Variants in ENOX2 observed in about 807,000 individuals in gnomAD.
ENOX2 encodes the protein APK1 antigen.
Under a neutral mutation model 45.0 loss-of-function variants are expected in ENOX2, and 36 were observed. That is an observed-to-expected ratio of 0.80 (90% CI 0.61 to 1.06). The LOEUF is 1.06. Among genes scored for constraint, ENOX2 ranks in the 50% least tolerant of loss-of-function variants. The pLI, the probability that ENOX2 is intolerant of heterozygous loss-of-function variation, is 0.00. For synonymous variants in ENOX2, 174 were observed against 152.3 expected, an observed-to-expected ratio of 1.14 and a Z score of -1.05; for missense variants, 423 against 462.5, an observed-to-expected ratio of 0.91 and a Z score of 0.78.
At chrX:130,750,786 C>G (rs1405236525) in intron 3 of ENOX2, among the ~76,000 whole-genome samples, 1 of 111,520 alleles carries the variant, frequency 9.0e-6, no homozygotes, top group Non-Finnish European at 1.9e-5. Context: ...CTGTATCTGT[C>G]TTTCTCTGCC....
At chrX:130,774,748 G>C (rs1253053356) in intron 3 of ENOX2, among the ~76,000 whole-genome samples, 2 of 111,897 alleles carry the variant, frequency 1.8e-5, no homozygotes, top group Admixed American at 1.9e-4. Flanking sequence ...CAACAATAGA[G>C]GATATGAGTT....
At chrX:130,657,551 C>T (rs1279186322) in intron 9 of ENOX2, among the ~76,000 whole-genome samples, 1 of 111,970 alleles carries the variant, frequency 8.9e-6, no homozygotes, top group Admixed American at 9.5e-5. Flanking sequence ...AAGATCTGCT[C>T]AAATGTCTGC....
intron 2 of ENOX2, among the ~76,000 whole-genome samples, chrX:130,808,853 G>A (rs1369063067): frequency 2.7e-5 from 3 of 111,911 alleles, no homozygotes; most frequent in Admixed American, 9.5e-5. Flanking sequence ...TGTTCATTTC[G>A]TATATTGTCT....
chrX:130,696,721 G>A lies in ENOX2; in HGVS notation c.97+6399C>T, dbSNP rs138065423. 2.5e-4 allele frequency among the ~76,000 whole-genome samples: 28 copies of A among 111,493 alleles called. No homozygotes were observed. In the East Asian group the frequency reaches 7.9e-3, roughly 31 times the overall value. On this transcript the variant is annotated intron_variant, in intron 4 of 14. Transcript: ENST00000394363. ...TGCTCCCCTATATATGAAACTTCCT[G>A]TGAAAAATTTCTTTCAGAACTAGAA... is the stretch of plus-strand genomic sequence containing the variant.
chrX:130,748,014 T>C (rs1186820959), intron 3 of ENOX2, among the ~76,000 whole-genome samples: 2 of 112,025 alleles, frequency 1.8e-5, no homozygotes, highest in Non-Finnish European at 3.8e-5. Flanking sequence ...TAGGCTCTTG[T>C]TTTCCCCAAA....
intron 2 of ENOX2, among the ~76,000 whole-genome samples, chrX:130,846,706 T>C (rs1372353002): frequency 8.9e-6 from 1 of 112,831 alleles, no homozygotes; most frequent in Non-Finnish European, 1.9e-5. Context: ...ATATGGAATT[T>C]ATATGTTCAG....
chrX:130,766,315 TAATAATTTTTCC>T (rs1248589253), intron 3 of ENOX2, among the ~76,000 whole-genome samples: 1 of 112,088 alleles, frequency 8.9e-6, no homozygotes, highest in Non-Finnish European at 1.9e-5. Flanking sequence ...TATGTTTTCT[TAATAATTTTTCC>T]AACTTCTTTA....
intron 4 of ENOX2, among the ~76,000 whole-genome samples, chrX:130,700,998 C>T (rs928683536): frequency 1.8e-5 from 2 of 111,996 alleles, no homozygotes; most frequent in African/African-American, 6.5e-5. Flanking sequence ...TTATTATTGA[C>T]CCCAGCTCAA....
chrX:130,721,112 T>A (rs1222439710), intron 3 of ENOX2, among the ~76,000 whole-genome samples: 1 of 111,370 alleles, frequency 9.0e-6, no homozygotes, highest in Non-Finnish European at 1.9e-5. Flanking sequence ...ATTATCTGAA[T>A]ACGATCGTGT....
rs184255555 is a variant in ENOX2, at chrX:130,694,898, G to A, written c.98-5880C>T. Among the ~76,000 whole-genome samples the A allele has an allele frequency of 6.4e-3, 707 of 111,245 alleles. 8 individuals are homozygous for A. Among genetic ancestry groups the A allele is most frequent in the African/African-American group, 0.022 (663 of 30,596 alleles). ...TTTGTGGTAGGGGAGAGGAATACTA[G>A]CCACTCATTAATTGGCTACTTATGA... On this transcript the variant is annotated intron_variant, in intron 4 of 14. Transcript: ENST00000394363.
Position 130,670,109 on chromosome X carries a change from C to T in ENOX2, c.550G>A (p.Glu184Lys), listed in dbSNP as rs2036941237. ...DFAQARDDLY[E>K]WECKQRMLAR... ...AGCATACGCTGTTTACACTCCCACT[C>T]ATACAGGTCATCTCGAGCCTGTGCG... Residue 184 changes from glutamate (E) to lysine (K), a missense_variant, in exon 7 of 15, where the codon GAG becomes AAG. Glu to Lys is a moderately conservative substitution (Grantham distance 56). Around this residue, in one of 5 missense-constraint regions of ENOX2, gnomAD observed 261 missense variants for 306.8 expected, o/e 0.85. Transcript: ENST00000394363. 1 of 1,208,710 alleles carries T rather than the reference C, an allele frequency of 8.3e-7. No individual in the cohort carries two copies. Among genetic ancestry groups the T allele is most frequent in the Admixed American group, 2.2e-5 (1 of 45,677 alleles).
chrX:130,835,503 A>G (rs774626784), intron 2 of ENOX2, among the ~76,000 whole-genome samples: 27 of 111,559 alleles, frequency 2.4e-4, no homozygotes, highest in Non-Finnish European at 4.7e-4. Context: ...AATAGAATAC[A>G]TAACATACAT....
At chrX:130,846,414 C>T (rs1239915827) in intron 2 of ENOX2, among the ~76,000 whole-genome samples, 1 of 109,502 alleles carries the variant, frequency 9.1e-6, no homozygotes, top group Non-Finnish European at 1.9e-5. Flanking sequence ...CTCGGCTCAC[C>T]GCAACCTCTG....
intron 3 of ENOX2, among the ~76,000 whole-genome samples, chrX:130,749,155 A>C: frequency 8.9e-6 from 1 of 112,200 alleles, no homozygotes; most frequent in Middle Eastern, 4.6e-3. Context: ...ATTAAGAAAA[A>C]GCCCAAAGTC....
intron 2 of ENOX2, among the ~76,000 whole-genome samples, chrX:130,833,547 T>C (rs999312933): frequency 9.0e-6 from 1 of 111,308 alleles, no homozygotes; most frequent in African/African-American, 3.3e-5. Context: ...GCAACTGCCA[T>C]AGGCTGTCAG....
At chrX:130,673,760 T>C (rs140545415) in intron 6 of ENOX2, among the ~76,000 whole-genome samples, 3 of 112,124 alleles carry the variant, frequency 2.7e-5, no homozygotes, top group African/African-American at 9.7e-5. Context: ...AAAACATATT[T>C]GAGGGAATAA....
rs140972772 is a variant in ENOX2, at chrX:130,698,116, C to A, written c.97+5004G>T. On this transcript the variant is annotated intron_variant, in intron 4 of 14. Coordinates refer to ENST00000394363, the MANE Select transcript of ENOX2 (RefSeq NM_006375.4). The stretch of plus-strand genomic sequence containing the variant: ...AGTTAATCTTGTTGTTGCCAGTAAT[C>A]AAGTCAAAATCATGATGTGCTTGTT... Among the ~76,000 whole-genome samples the A allele has an allele frequency of 6.8e-3, 756 of 111,501 alleles. 3 individuals carry two copies. Among genetic ancestry groups the A allele is most frequent in the Non-Finnish European group, 0.011 (589 of 53,037 alleles).
chrX:130,645,895 C>A, intron 10 of ENOX2: 2 of 678,078 alleles, frequency 2.9e-6, no homozygotes, highest in East Asian at 6.4e-5. Context: ...CAGCCCATCC[C>A]GTGGAAAGTG....
intron 2 of ENOX2, among the ~76,000 whole-genome samples, chrX:130,808,744 G>C (rs7890212): frequency 0.32 from 35,638 of 110,581 alleles, 5,569 homozygotes; most frequent in African/African-American, 0.61. Context: ...CTAAAAAATC[G>C]TTTTGAGAAT....
Sources: gnomAD v4.1 joint callset for allele counts (sites outside exome capture counted in the v4.1 genomes callset) on GRCh38, gnomAD v4.1.1 for gene constraint, gnomAD v4.1.1 regional missense constraint, MANE v1.5 for transcripts, NCBI Gene and HGNC (gene_info 2026-07-23, HGNC 2026-07-21) for gene names.